The following ZNF124 variants were observed in gnomAD, a reference collection of about 807,000 sequenced individuals.
ZNF124 encodes the protein zinc finger protein HZF-16.
A neutral mutation model predicts 26.6 loss-of-function variants in ZNF124; 25 were observed. The ratio of observed to expected loss-of-function variants is 0.94; its 90% CI spans 0.68 to 1.31. The LOEUF is 1.31. Ranked by LOEUF, ZNF124 falls within the 40% of genes most tolerant of loss-of-function variation. The pLI is 0.00. For missense variants in ZNF124, 444 were observed against 422.2 expected (o/e 1.05, Z -0.45); for synonymous variants, 129 against 133.3 (o/e 0.97, Z 0.22).
chr1:247,156,335 C>T lies in ZNF124; in HGVS notation c.*231G>A. 1 of 1,223,268 alleles carries T rather than the reference C, an allele frequency of 8.2e-7. No individual in the cohort carries two copies. The highest frequency in any genetic ancestry group is 1.0e-6 in the Non-Finnish European group (1 of 981,910). 75.8% of individuals were successfully genotyped at this position (1,223,268 alleles called of 1,614,324 possible). On this transcript the variant is annotated 3_prime_UTR_variant, in exon 4 of 4. Coordinates refer to ENST00000543802, the MANE Select transcript of ZNF124 (RefSeq NM_001297568.2). ...ACTGCAGGCCTTACCACATTTTAAA[C>T]ATTCATATGGATTTTCTTCAGTGAG... is the stretch of plus-strand genomic sequence containing the variant.
exon 4 of ZNF124, chr1:247,122,204 G>C (rs538828743): frequency 6.6e-6 from 1 of 152,190 alleles, no homozygotes; most frequent in Non-Finnish European, 1.5e-5. Context: ...TGAATCAGAT[G>C]AATCAGTACT....
intron 3 of ZNF124, among the ~76,000 whole-genome samples, chr1:247,136,631 T>C (rs947178968): frequency 1.4e-4 from 22 of 152,156 alleles, no homozygotes; most frequent in Non-Finnish European, 2.6e-4. Context: ...CTTCACAGAA[T>C]TAGCAAAAAC....
intron 1 of ZNF124, among the ~76,000 whole-genome samples, chr1:247,163,739 T>C (rs912943189): frequency 1.3e-5 from 2 of 152,164 alleles, no homozygotes; most frequent in African/African-American, 2.4e-5. Context: ...CTTCTGAAAC[T>C]ATTCTAAGAA....
At chr1:247,161,150 G>A (rs1431910742) in intron 1 of ZNF124, among the ~76,000 whole-genome samples, 1 of 152,204 alleles carries the variant, frequency 6.6e-6, no homozygotes, top group African/African-American at 2.4e-5. Context: ...GAATAACAGT[G>A]TGATGGTTTG....
At chr1:247,144,817 C>T (rs1672721396) in intron 3 of ZNF124, among the ~76,000 whole-genome samples, 1 of 151,584 alleles carries the variant, frequency 6.6e-6, no homozygotes, top group South Asian at 2.1e-4. Flanking sequence ...GCTCTGTCTC[C>T]CAGGCTGGAG....
rs1388808480 is a variant in ZNF124, at chr1:247,159,035, A to G, written c.189T>C (p.Asp63=). 5 of 1,613,342 alleles carry G rather than the reference A, an allele frequency of 3.1e-6. No individual in the cohort carries two copies. ...GNKGEDQSIE[D]QYKNSSRNLR... ...GATTTCTTGAAGAATTTTTGTACTG[A>G]TCTTCAATGCTCTGGTCTTCCCCTT... Residue 63 remains aspartate, a synonymous_variant, in exon 3 of 4, where the codon GAT becomes GAC. Coordinates refer to ENST00000543802, the MANE Select transcript of ZNF124 (RefSeq NM_001297568.2).
chr1:247,157,530 T>C (rs1673222549), intron 3 of ZNF124, 127 bp from the exon 4 acceptor site: 2 of 823,114 alleles, frequency 2.4e-6, no homozygotes, highest in East Asian at 2.7e-5. Context: ...CACTGACTTA[T>C]TTAATTTTAC....
chr1:247,159,984 T>A, intron 1 of ZNF124, 171 bp from the exon 2 acceptor site: 25 of 424,316 alleles, frequency 5.9e-5, no homozygotes, highest in Non-Finnish European at 8.2e-5. Flanking sequence ...CAGTTCTTTT[T>A]TTTTTTTTTT....
rs1285165465 is a variant in ZNF124 at position 247,170,769 on chromosome 1, C to T, written c.30+1079G>A. 2.8e-5 allele frequency among the ~76,000 whole-genome samples: 4 copies of T among 141,504 alleles called. 1 individual carries two copies. Among genetic ancestry groups the T allele is most frequent in the Non-Finnish European group, 6.0e-5 (4 of 66,980 alleles). The allele number at this position is 141,504 out of a possible 152,430, so 92.8% of individuals were successfully genotyped here. On this transcript the variant is annotated intron_variant, in intron 1 of 3. Coordinates refer to ENST00000543802, the MANE Select transcript of ZNF124 (RefSeq NM_001297568.2). The stretch of plus-strand genomic sequence containing the variant: ...GGGCTGCATGCACCGGCAATCAGAA[C>T]GGAACAGAACAGGACAGGGATTTTC...
intron 3 of ZNF124, among the ~76,000 whole-genome samples, chr1:247,147,165 G>GT (rs112821147): frequency 0.34 from 46,615 of 136,362 alleles, 7,904 homozygotes; most frequent in African/African-American, 0.45. Context: ...GTTTTAGCAA[G>GT]TTTTTTTTTT....
chr1:247,157,371 T>C lies in ZNF124; in HGVS notation c.251A>G (p.Tyr84Cys), dbSNP rs776557710. The C allele has an allele frequency of 3.2e-6, 5 of 1,553,106 alleles. No individual in the cohort carries two copies. The highest frequency in any genetic ancestry group is 3.5e-6 in the Non-Finnish European group (4 of 1,147,582). The change falls in exon 4 of 4, where the codon TAT becomes TGT. Residue 84 changes from tyrosine (Y) to cysteine (C), a missense_variant. Physicochemically the swap from Tyr to Cys is radical, Grantham distance 194 (BLOSUM62 -2). Coordinates refer to ENST00000543802, the MANE Select transcript of ZNF124 (RefSeq NM_001297568.2). ...CTTCTTTCCGCATTCCTCACACCCA[T>C]ATGGGTTGTTTCCAGAATGAGATAT... ...HIISHSGNNP[Y>C]GCEECGKKPC... is the part of the protein sequence containing the mutation.
intron 3 of ZNF124, among the ~76,000 whole-genome samples, chr1:247,130,810 G>A (rs547503227): frequency 7.9e-5 from 12 of 152,190 alleles, no homozygotes; most frequent in Non-Finnish European, 1.3e-4. Context: ...AAGCGCGGTG[G>A]CTCACGCCTG....
chr1:247,147,803 G>A (rs1672825338), intron 3 of ZNF124, among the ~76,000 whole-genome samples: 1 of 152,030 alleles, frequency 6.6e-6, no homozygotes, highest in South Asian at 2.1e-4. Context: ...GGACAGGGAA[G>A]CACAAACACA....
intron 1 of ZNF124, among the ~76,000 whole-genome samples, chr1:247,163,658 C>T (rs1369025965): frequency 6.6e-6 from 1 of 152,028 alleles, no homozygotes; most frequent in Non-Finnish European, 1.5e-5. Flanking sequence ...ACCTATCAAA[C>T]AGAAAAGCCA....
At chr1:247,127,708 T>C (rs1180661509) in intron 3 of ZNF124, among the ~76,000 whole-genome samples, 1 of 148,952 alleles carries the variant, frequency 6.7e-6, no homozygotes, top group Non-Finnish European at 1.5e-5. Flanking sequence ...CCCAGTCACG[T>C]ACCCCCTGCT....
intron 3 of ZNF124, chr1:247,138,252 A>G (rs547915696): frequency 6.6e-6 from 1 of 152,394 alleles, no homozygotes; most frequent in South Asian, 2.1e-4. Flanking sequence ...TGGTGTATAT[A>G]TATATGTGTA....
intron 3 of ZNF124, among the ~76,000 whole-genome samples, chr1:247,145,817 C>T (rs1229883108): frequency 1.3e-5 from 2 of 151,956 alleles, no homozygotes; most frequent in Non-Finnish European, 2.9e-5. Context: ...TTAGAAGAGA[C>T]AGGGTTTCAC....
At chr1:247,125,439 T>TTTTTTTTTTTTTTTTTTTTTC (rs1672190345) in intron 3 of ZNF124, among the ~76,000 whole-genome samples, 1 of 107,008 alleles carries the variant, frequency 9.3e-6, no homozygotes, top group Non-Finnish European at 1.9e-5. Context: ...TCTTTTTTTT[T>TTTTTTTTTTTTTTTTTTTTTC]TTTTTTTTTT....
At chr1:247,128,839 G>A (rs374447216) in intron 3 of ZNF124, among the ~76,000 whole-genome samples, 1,662 of 138,092 alleles carry the variant, frequency 0.012, 84 homozygotes, top group African/African-American at 0.032. Context: ...GGGACACGGC[G>A]CAGTTTTCTG....
Sources: allele counts gnomAD v4.1 joint callset (sites outside exome capture counted in the v4.1 genomes callset), GRCh38; gene constraint gnomAD v4.1.1; transcripts MANE v1.5; gene names NCBI Gene and HGNC (gene_info 2026-07-23, HGNC 2026-07-21).